The following AKNA variants were observed in gnomAD, a reference collection of about 807,000 sequenced individuals.
AKNA encodes AT-hook transcription factor, also known as microtubule organization protein AKNA.
In AKNA, 67 loss-of-function variants were observed where a neutral mutation model predicts 138.8. The observed-to-expected ratio is 0.48, with a 90% confidence interval of 0.40 to 0.59. The LOEUF is 0.59. Among genes scored for constraint, AKNA ranks in the 20% least tolerant of loss-of-function variants. AKNA has a pLI of 0.00. For missense variants in AKNA, 1,813 were observed against 1,880.4 expected (o/e 0.96, Z 0.66); for synonymous variants, 737 against 754.4 (o/e 0.98, Z 0.38).
chr9:114,386,473 CAG>C (rs1834040738), intron 1 of AKNA, among the ~76,000 whole-genome samples: 1 of 152,152 alleles, frequency 6.6e-6, no homozygotes, highest in African/African-American at 2.4e-5. Flanking sequence ...CAGATAAAGG[CAG>C]AGTTGTTCCA....
intron 17 of AKNA, among the ~76,000 whole-genome samples, chr9:114,346,259 T>C (rs1386054127): frequency 3.3e-5 from 5 of 152,174 alleles, no homozygotes; most frequent in African/African-American, 7.2e-5. Context: ...TATAACTACA[T>C]GGTGAGCTGT....
Position 114,346,703 on chromosome 9 carries a change from G to A in AKNA, c.3480C>T (p.Ser1160=), listed in dbSNP as rs1830712490. The A allele has an allele frequency of 6.2e-7, 1 of 1,612,562 alleles. No individual in the cohort carries two copies. Among genetic ancestry groups the A allele is most frequent in the South Asian group, 1.1e-5 (1 of 90,802 alleles). The part of the protein sequence containing the change: ...VPPGRQRARS[S]SVPREVLRLS... ...GTCGGAGCACCTCCCGAGGCACTGA[G>A]GAAGACCTGGCTCGCTGCCTTCCTG... Residue 1160 remains serine (S), a synonymous_variant, in exon 17 of 22, where the codon TCC becomes TCT. Coordinates refer to ENST00000374088, the MANE Select transcript of AKNA (RefSeq NM_001317950.2).
At position 114,367,537 on chromosome 9, in the gene AKNA, A is replaced by C; in HGVS notation, c.1728+6T>G. ...CTCTCGGGGGCAAAGCTGGGAGTCCACTCACCTTGGCCAGGAACTGGCTGG... is the reference window on the plus strand; with the variant it reads ...CTCTCGGGGGCAAAGCTGGGAGTCCCCTCACCTTGGCCAGGAACTGGCTGG... On this transcript the variant is annotated splice_donor_region_variant and intron_variant, in intron 6 of 21. Coordinates refer to ENST00000374088, the MANE Select transcript of AKNA (RefSeq NM_001317950.2). The C allele has an allele frequency of 6.2e-7, 1 of 1,612,108 alleles. No individual in the cohort carries two copies. The highest frequency in any genetic ancestry group is 8.5e-7 in the Non-Finnish European group (1 of 1,179,688).
At chr9:114,383,423 G>A (rs1211818471) in intron 1 of AKNA, among the ~76,000 whole-genome samples, 1 of 152,186 alleles carries the variant, frequency 6.6e-6, no homozygotes, top group South Asian at 2.1e-4. Flanking sequence ...GTCCCCCAGG[G>A]AGCTCCCTGC....
At chr9:114,353,437 T>C (rs1831273205) in intron 14 of AKNA, among the ~76,000 whole-genome samples, 1 of 152,132 alleles carries the variant, frequency 6.6e-6, no homozygotes, top group Non-Finnish European at 1.5e-5. Flanking sequence ...CTAATTTTTG[T>C]ATTTTTAGTG....
chr9:114,351,551 G>C (rs996775676), intron 14 of AKNA, among the ~76,000 whole-genome samples: 2 of 151,932 alleles, frequency 1.3e-5, no homozygotes, highest in African/African-American at 4.8e-5. Flanking sequence ...GGTGGCTCAC[G>C]CCTGTAATCC....
At chr9:114,387,605 AC>A (rs1388900876) in intron 1 of AKNA, among the ~76,000 whole-genome samples, 1 of 152,184 alleles carries the variant, frequency 6.6e-6, no homozygotes, top group African/African-American at 2.4e-5. Context: ...GGACCCGCCT[AC>A]CCAAGTTCAC....
chr9:114,343,441 C>T (rs184029969), intron 19 of AKNA, among the ~76,000 whole-genome samples: 38 of 152,320 alleles, frequency 2.5e-4, no homozygotes, highest in Admixed American at 2.5e-3. Flanking sequence ...AAGACATAAT[C>T]ACTGATGCCA....
chr9:114,346,922 TG>T (rs1830729960), intron 16 of AKNA, 138 bp from the exon 17 acceptor site: 8 of 674,942 alleles, frequency 1.2e-5, no homozygotes, highest in Non-Finnish European at 1.7e-5. Flanking sequence ...AGCCAGACTC[TG>T]AAGTCAGTTT....
chr9:114,372,454 A>T (rs1311865218), intron 4 of AKNA, among the ~76,000 whole-genome samples: 1 of 152,180 alleles, frequency 6.6e-6, no homozygotes, highest in Admixed American at 6.5e-5. Context: ...GCCTGGCAGT[A>T]AACACCTTTA....
At chr9:114,366,554 G>A (rs1449238641) in intron 6 of AKNA, among the ~76,000 whole-genome samples, 2 of 152,136 alleles carry the variant, frequency 1.3e-5, no homozygotes, top group Non-Finnish European at 2.9e-5. Context: ...AACTGACTGT[G>A]GTGATAGTGG....
upstream of AKNA, chr9:114,388,015 C>G (rs866935609): frequency 1.9e-4 from 62 of 324,708 alleles, no homozygotes; most frequent in Middle Eastern, 4.9e-3. Context: ...AGACCAGCAT[C>G]GCTCCCCACC....
chr9:114,381,136 C>A lies in AKNA; in HGVS notation c.198G>T (p.Leu66=). The A allele has an allele frequency of 2.5e-6, 4 of 1,613,044 alleles. No homozygotes were observed. The highest frequency in any genetic ancestry group is 3.4e-6 in the Non-Finnish European group (4 of 1,179,698). ...GGTGTGGGTCCCACTCCAGGGGCGG[C>A]AGGTGCTGCTGGGCCAGGCGGAAGT... ...LEDFRLAQQH[L]PPLEWDPHPQ... Residue 66 remains leucine, a synonymous_variant, in exon 2 of 22, where the codon CTG becomes CTT. Coordinates refer to ENST00000374088, the MANE Select transcript of AKNA (RefSeq NM_001317950.2).
chr9:114,372,332 A>C (rs547131511), intron 4 of AKNA, among the ~76,000 whole-genome samples: 3 of 152,088 alleles, frequency 2.0e-5, no homozygotes, highest in South Asian at 4.2e-4. Flanking sequence ...GTGACTACAC[A>C]TGGGGGGGAC....
At chr9:114,338,082 G>C (rs1395091819) in intron 21 of AKNA, among the ~76,000 whole-genome samples, 1 of 152,154 alleles carries the variant, frequency 6.6e-6, no homozygotes, top group Non-Finnish European at 1.5e-5. Flanking sequence ...TGGTGGAGGA[G>C]GGAGATAAAG....
Position 114,341,701 on chromosome 9 carries a change from C to A in AKNA, c.3899G>T (p.Arg1300Ile), listed in dbSNP as rs781739677. 2.5e-6 allele frequency: 4 copies of A among 1,585,644 alleles called. No individual in the cohort carries two copies. In the South Asian group the frequency reaches 4.6e-5, roughly 18 times the overall value. ...GGGGCTGGGAGTTGAAGATGCTTTT[C>A]TCCTCGTGGTGGCCTTCTCTGCCCC... ...TSGAEKATTR[R>I]KASSTPSPKQ... The change falls in exon 21 of 22, where the codon AGA becomes ATA. Residue 1300 changes from arginine (R) to isoleucine (I), a missense_variant. Coordinates refer to ENST00000374088, the MANE Select transcript of AKNA (RefSeq NM_001317950.2).
At chr9:114,342,557 C>T (rs186054072) in intron 19 of AKNA, among the ~76,000 whole-genome samples, 67 of 151,722 alleles carry the variant, frequency 4.4e-4, no homozygotes, top group African/African-American at 1.5e-3. Flanking sequence ...TGGGAGTGGC[C>T]CAGAACAGTC....
intron 14 of AKNA, 93 bp downstream of exon 14, chr9:114,355,832 G>T: frequency 7.8e-7 from 1 of 1,286,438 alleles, no homozygotes; most frequent in Non-Finnish European, 1.1e-6. Context: ...CAATGAACCT[G>T]GCTAATATGT....
In AKNA at chr9:114,377,216, C is replaced by T. The variant is rs370664547; in HGVS notation, c.591G>A (p.Pro197=). The T allele has an allele frequency of 2.4e-5, 38 of 1,614,012 alleles. No individual in the cohort carries two copies. Among genetic ancestry groups the T allele is most frequent in the Middle Eastern group, 1.6e-4 (1 of 6,084 alleles). ...SEVNPSVELS[P]ARSWSSGTVS... ...CTGTCCCACTGCTCCAGGACCTTGC[C>T]GGGCTGAGTTCAACGGATGGGTTGA... Residue 197 remains proline (P), a synonymous_variant, in exon 3 of 22, where the codon CCG becomes CCA. Transcript: ENST00000374088.
Sources: allele counts gnomAD v4.1 joint callset (sites outside exome capture counted in the v4.1 genomes callset), GRCh38; gene constraint gnomAD v4.1.1; transcripts MANE v1.5; gene names NCBI Gene and HGNC (gene_info 2026-07-23, HGNC 2026-07-21).